Variants in LCLAT1 observed in about 807,000 individuals in gnomAD.
LCLAT1 encodes lysocardiolipin acyltransferase 1, also known as 1-AGP acyltransferase 8.
LCLAT1 carries 11 observed loss-of-function variants against 30.7 expected under a neutral mutation model. The observed-to-expected ratio is 0.36, with a 90% CI of 0.23 to 0.59. The LOEUF (loss-of-function observed/expected upper bound fraction) is 0.59. Among genes scored for constraint, LCLAT1 ranks in the 20% least tolerant of loss-of-function variants. The probability of loss-of-function intolerance (pLI) is 0.77; values close to 1 mark genes in which losing one functional copy is unlikely to be tolerated. For synonymous variants in LCLAT1, 155 were observed against 151.3 expected (o/e 1.02, Z -0.18); for missense variants, 402 against 458.6 (o/e 0.88, Z 1.13).
chr2:30,490,620 T>A (rs575544256), intron 1 of LCLAT1, among the ~76,000 whole-genome samples: 11 of 152,370 alleles, frequency 7.2e-5, no homozygotes, highest in Admixed American at 2.0e-4. Flanking sequence ...ATCTGTAAAG[T>A]AGTTTTGAGA....
intron 1 of LCLAT1, among the ~76,000 whole-genome samples, chr2:30,506,952 A>G (rs539023178): frequency 2.0e-5 from 3 of 152,340 alleles, no homozygotes; most frequent in African/African-American, 4.8e-5. Context: ...TGGTGCATAA[A>G]TAATGAACAT....
At chr2:30,599,505 T>TTCAAG (rs1667083948) in intron 5 of LCLAT1, among the ~76,000 whole-genome samples, 1 of 152,224 alleles carries the variant, frequency 6.6e-6, no homozygotes, top group Non-Finnish European at 1.5e-5. Flanking sequence ...TAGAGCTGAA[T>TTCAAG]TCAAGTCCTA....
intron 1 of LCLAT1, among the ~76,000 whole-genome samples, chr2:30,507,096 T>C (rs1684701769): frequency 6.6e-6 from 1 of 152,204 alleles, no homozygotes; most frequent in Non-Finnish European, 1.5e-5. Flanking sequence ...GCATATACTA[T>C]ATATGCAATA....
At chr2:30,503,199 G>A (rs72856643) in intron 1 of LCLAT1, among the ~76,000 whole-genome samples, 52 of 152,240 alleles carry the variant, frequency 3.4e-4, no homozygotes, top group African/African-American at 1.2e-3. Flanking sequence ...ATGGACAATG[G>A]GGGCAGCTAG....
chr2:30,594,246 A>C (rs1198536404), intron 5 of LCLAT1, among the ~76,000 whole-genome samples: 1 of 152,112 alleles, frequency 6.6e-6, no homozygotes, highest in African/African-American at 2.4e-5. Context: ...GACAGAATAC[A>C]TGTGTTTCTC....
At chr2:30,533,093 G>A (rs1393119833) in intron 2 of LCLAT1, 23 bp from the exon 3 acceptor site, 7 of 1,526,466 alleles carry the variant, frequency 4.6e-6, no homozygotes, top group South Asian at 1.1e-5. Flanking sequence ...TTAATTTGCT[G>A]TATATCTGTA....
rs539112200 is a variant in LCLAT1, at chr2:30,537,304, C to T, written c.364+3990C>T. Among the ~76,000 whole-genome samples the T allele has an allele frequency of 2.6e-5, 4 of 151,824 alleles. No individual in the cohort carries two copies. The East Asian group carries it at 7.8e-4, about 30-fold the overall frequency. On this transcript the variant is annotated intron_variant, in intron 3 of 5. Coordinates refer to ENST00000379509, the MANE Select transcript of LCLAT1 (RefSeq NM_001002257.3). The stretch of plus-strand genomic sequence containing the variant: ...GCTGAGGCAGGAGAATGGCGTGAAC[C>T]TGGGAAGCGGAGCTTGCAGTGAGCC...
At chr2:30,546,041 G>T (rs1430954103) in intron 3 of LCLAT1, among the ~76,000 whole-genome samples, 1 of 152,150 alleles carries the variant, frequency 6.6e-6, no homozygotes, top group African/African-American at 2.4e-5. Context: ...ATTACATTCT[G>T]CAATGTAGTG....
intron 1 of LCLAT1, among the ~76,000 whole-genome samples, chr2:30,517,321 G>A (rs1409548621): frequency 2.1e-5 from 3 of 140,748 alleles, no homozygotes; most frequent in African/African-American, 3.2e-5. Flanking sequence ...TGCCCCTGGT[G>A]TCTCTCCCAA....
rs908501942 is a variant in LCLAT1, at chr2:30,555,622, T to G, written c.365-6524T>G. Among the ~76,000 whole-genome samples, 5 of 152,128 alleles carry G rather than the reference T, an allele frequency of 3.3e-5. No homozygotes were observed. The East Asian group carries it at 5.8e-4, about 18-fold the overall frequency. On this transcript the variant is annotated intron_variant, in intron 3 of 5. Transcript: ENST00000379509. The stretch of plus-strand genomic sequence containing the variant: ...TATGTTAAGAAATTTAAATGTAAAC[T>G]AAACTCTTTAATTAGTGATAGAATT...
At chr2:30,614,928 C>G (rs1177395652) in intron 5 of LCLAT1, among the ~76,000 whole-genome samples, 1 of 151,916 alleles carries the variant, frequency 6.6e-6, no homozygotes, top group Non-Finnish European at 1.5e-5. Context: ...ACCAGGAAGC[C>G]AAGAGGGAGG....
At chr2:30,551,169 A>G (rs940340801) in intron 3 of LCLAT1, among the ~76,000 whole-genome samples, 2 of 152,098 alleles carry the variant, frequency 1.3e-5, no homozygotes, top group Non-Finnish European at 2.9e-5. Context: ...TTAAAAGACA[A>G]CAACTTTTTT....
At chr2:30,612,913 C>CAAAAATTTAGACAATAAGTACG (rs1558556620) in intron 5 of LCLAT1, among the ~76,000 whole-genome samples, 2 of 151,964 alleles carry the variant, frequency 1.3e-5, no homozygotes, top group African/African-American at 4.8e-5. Flanking sequence ...ATAAAATAAA[C>CAAAAATTTAGACAATAAGTACG]AAAAATTTAG....
intron 1 of LCLAT1, among the ~76,000 whole-genome samples, chr2:30,521,607 A>G (rs1323406017): frequency 7.1e-6 from 1 of 140,086 alleles, no homozygotes; most frequent in Non-Finnish European, 1.5e-5. Context: ...TCCAGGTTCA[A>G]GCGATTCTTC....
chr2:30,545,423 A>C (rs574653058), intron 3 of LCLAT1, among the ~76,000 whole-genome samples: 2 of 152,124 alleles, frequency 1.3e-5, no homozygotes. Flanking sequence ...TTCTTGTGCA[A>C]CTGACTAAAG....
chr2:30,525,550 T>C, intron 1 of LCLAT1, 37 bp from the exon 2 acceptor site: 1 of 1,521,832 alleles, frequency 6.6e-7, no homozygotes. Context: ...CCGTTAAATG[T>C]ATAGTAACAA....
rs1665256332 is a variant in LCLAT1 at position 30,562,145 on chromosome 2, G to C, written c.365-1G>C. ...AAATTTTATTGTTAAATTGATTCTA[G>C]GTTGGGCCATGCAGGCTGCTGCCTA... On this transcript the variant is annotated splice_acceptor_variant, in intron 3 of 5. Transcript: ENST00000379509. LOFTEE classifies it high-confidence loss of function. 6.2e-7 allele frequency: 1 copy of C among 1,601,942 alleles called. No homozygotes were observed. Among genetic ancestry groups the C allele is most frequent in the Non-Finnish European group, 8.5e-7 (1 of 1,171,548 alleles).
intron 3 of LCLAT1, among the ~76,000 whole-genome samples, chr2:30,547,079 G>A (rs1395610411): frequency 6.6e-6 from 1 of 152,130 alleles, no homozygotes; most frequent in African/African-American, 2.4e-5. Flanking sequence ...ATAGGCATTA[G>A]TTTTGCTACC....
chr2:30,472,111 G>A (rs959629991), intron 1 of LCLAT1, among the ~76,000 whole-genome samples: 2 of 152,122 alleles, frequency 1.3e-5, no homozygotes, highest in South Asian at 2.1e-4. Flanking sequence ...TAAAATTTTT[G>A]CTAGTTTATG....
Sources: gnomAD v4.1 joint callset for allele counts (sites outside exome capture counted in the v4.1 genomes callset) on GRCh38, gnomAD v4.1.1 for gene constraint, MANE v1.5 for transcripts, NCBI Gene and HGNC (gene_info 2026-07-23, HGNC 2026-07-21) for gene names.